CEP63: variants seen among roughly 807,000 people sequenced by gnomAD.
CEP63 encodes centrosomal protein of 63 kDa.
CEP63 carries 84 observed loss-of-function variants against 89.1 expected under a neutral mutation model. That is an observed-to-expected ratio of 0.94 (90% CI 0.79 to 1.13). CEP63 has a LOEUF of 1.13. Among genes scored for constraint, CEP63 ranks in the 50% most tolerant of loss-of-function variants. The pLI is 0.00. For synonymous variants in CEP63, 267 were observed against 272.5 expected (o/e 0.98, Z 0.20); for missense variants, 838 against 813.3 (o/e 1.03, Z -0.37).
the CEP63 span, chr3:134,619,167 G>T: frequency 6.2e-7 from 1 of 1,613,870 alleles, no homozygotes; most frequent in Non-Finnish European, 8.5e-7. Flanking sequence ...CTCTCGAAGA[G>T]GCCAGCATAG....
chr3:134,490,097 A>T (rs1028743078), intron 1 of CEP63, among the ~76,000 whole-genome samples: 11 of 152,124 alleles, frequency 7.2e-5, no homozygotes, highest in African/African-American at 2.4e-4. Flanking sequence ...CCACAGTCTT[A>T]CCTAGGTGGG....
chr3:134,745,582 G>A, the CEP63 span, among the ~76,000 whole-genome samples: 9,672 of 151,408 alleles, frequency 0.064, 529 homozygotes, highest in South Asian at 0.31. Flanking sequence ...TGTGCGCAAC[G>A]TGCAGATTTG....
At chr3:134,567,961 G>C (rs1039230911), downstream of CEP63, among the ~76,000 whole-genome samples, 5 of 152,240 alleles carry the variant, frequency 3.3e-5, no homozygotes, top group African/African-American at 1.2e-4. Context: ...CCCTAAGACT[G>C]CTTAGCAAGT....
the CEP63 span, among the ~76,000 whole-genome samples, chr3:134,725,873 G>C: frequency 6.6e-6 from 1 of 152,164 alleles, no homozygotes; most frequent in Admixed American, 6.5e-5. Context: ...GGCAGGTCAG[G>C]GGGCTCAGAG....
At chr3:134,767,309 G>A in the CEP63 span, among the ~76,000 whole-genome samples, 1 of 152,168 alleles carries the variant, frequency 6.6e-6, no homozygotes, top group South Asian at 2.1e-4. Context: ...AAAGAAAGAG[G>A]CCTCAAATGG....
downstream of CEP63, among the ~76,000 whole-genome samples, chr3:134,566,140 T>C (rs148007520): frequency 0.031 from 4,254 of 139,018 alleles, 54 homozygotes; most frequent in Non-Finnish European, 0.035. Context: ...TTTTTTTTTT[T>C]CCCTCTCTGT....
At chr3:134,666,026 G>A in the CEP63 span, among the ~76,000 whole-genome samples, 3 of 152,088 alleles carry the variant, frequency 2.0e-5, no homozygotes, top group East Asian at 1.9e-4. Context: ...AAGAGACAGA[G>A]AGAGTGAGAC....
chr3:134,620,301 A>T, the CEP63 span, among the ~76,000 whole-genome samples: 1 of 152,192 alleles, frequency 6.6e-6, no homozygotes, highest in Admixed American at 6.5e-5. Context: ...GGGAGCAGGA[A>T]GTGGAGAACC....
chr3:134,701,883 T>C, the CEP63 span, among the ~76,000 whole-genome samples: 1 of 152,038 alleles, frequency 6.6e-6, no homozygotes, highest in African/African-American at 2.4e-5. Flanking sequence ...TTCAGCAAAG[T>C]TTCAGGATAA....
the CEP63 span, among the ~76,000 whole-genome samples, chr3:134,644,027 A>T: frequency 2.0e-5 from 3 of 151,870 alleles, no homozygotes; most frequent in Non-Finnish European, 2.9e-5. Context: ...GGGTTTCACC[A>T]TGTTAGCCAG....
the CEP63 span, among the ~76,000 whole-genome samples, chr3:134,707,739 CTTTTT>C: frequency 2.5e-5 from 3 of 120,450 alleles, no homozygotes; most frequent in African/African-American, 9.1e-5. Flanking sequence ...TGATTCTTTT[CTTTTT>C]TTTTTTTTTT....
At chr3:134,714,027 G>A in the CEP63 span, among the ~76,000 whole-genome samples, 1 of 152,210 alleles carries the variant, frequency 6.6e-6, no homozygotes, top group Non-Finnish European at 1.5e-5. Flanking sequence ...GTCCCAGAGT[G>A]GGCTGGGGCC....
At chr3:134,727,239 G>A in the CEP63 span, among the ~76,000 whole-genome samples, 1 of 152,184 alleles carries the variant, frequency 6.6e-6, no homozygotes, top group Non-Finnish European at 1.5e-5. Flanking sequence ...CCATTTAATA[G>A]GGAGAGGAGG....
chr3:134,632,874 G>A, the CEP63 span, among the ~76,000 whole-genome samples: 4 of 151,918 alleles, frequency 2.6e-5, no homozygotes. Context: ...AGAAAAAAAA[G>A]AGGCAAGACA....
At chr3:134,620,648 T>G in the CEP63 span, 1 of 811,212 alleles carries the variant, frequency 1.2e-6, no homozygotes, top group Non-Finnish European at 2.1e-6. Flanking sequence ...TCCCCCACCT[T>G]TCATGTCACT....
chr3:134,505,706 A>G (rs1433823427), intron 2 of CEP63, among the ~76,000 whole-genome samples: 4 of 152,132 alleles, frequency 2.6e-5, no homozygotes, highest in Admixed American at 2.6e-4. Flanking sequence ...GGTTGATTCT[A>G]AGTCACCTAG....
rs759571823 is a variant in CEP63 at position 134,559,212 on chromosome 3, A to C, written c.1736A>C (p.His579Pro). Residue 579 changes from histidine to proline, a missense_variant, in exon 14 of 15, where the codon CAT (histidine) becomes CCT (proline). By Grantham distance (77) the His-to-Pro change is moderately conservative. Coordinates refer to ENST00000675561, the MANE Select transcript of CEP63 (RefSeq NM_001353108.3). ...ACTGAGCACTACAAAACAGATCTTC[A>C]TTCTCCAAGAGGACAAGCGTCGGAT... ...IKTEHYKTDL[H>P]SPRGQASDSI... 1.2e-5 allele frequency: 20 copies of C among 1,614,168 alleles called. No individual in the cohort carries two copies. The highest frequency in any genetic ancestry group is 1.7e-5 in the Non-Finnish European group (20 of 1,180,012).
the CEP63 span, among the ~76,000 whole-genome samples, chr3:134,744,394 A>G: frequency 3.3e-5 from 5 of 152,322 alleles, no homozygotes; most frequent in South Asian, 2.1e-4. Context: ...TTAAGATCCA[A>G]CTGAAAGAAT....
At chr3:134,514,523 T>C (rs1030197957) in intron 3 of CEP63, among the ~76,000 whole-genome samples, 1 of 151,896 alleles carries the variant, frequency 6.6e-6, no homozygotes, top group African/African-American at 2.4e-5. Context: ...GGTTGAAAAC[T>C]AAAGACAAAG....
Sources: allele counts gnomAD v4.1 joint callset (sites outside exome capture counted in the v4.1 genomes callset), GRCh38; gene constraint gnomAD v4.1.1; transcripts MANE v1.5; gene names NCBI Gene and HGNC (gene_info 2026-07-23, HGNC 2026-07-21).